PCDHGA8: variants seen among roughly 807,000 people sequenced by gnomAD.
PCDHGA8 encodes protocadherin gamma-A8.
In PCDHGA8, 45 loss-of-function variants were observed where a neutral mutation model predicts 59.2. The ratio of observed to expected loss-of-function variants is 0.76; its 90% CI spans 0.60 to 0.98. The LOEUF is 0.98. Ranked by LOEUF, PCDHGA8 falls within the 50% of genes least tolerant of loss-of-function variation. PCDHGA8 has a pLI of 0.00. For synonymous variants in PCDHGA8, 531 were observed against 519.0 expected (o/e 1.02, Z -0.32); for missense variants, 1,257 against 1,196.2 (o/e 1.05, Z -0.75).
intron 1 of PCDHGA8, among the ~76,000 whole-genome samples, chr5:141,435,619 T>A (rs2097772280): frequency 6.6e-6 from 1 of 152,190 alleles, no homozygotes; most frequent in Non-Finnish European, 1.5e-5. Context: ...AAATTCCCCA[T>A]AACTTTTACA....
At chr5:141,458,496 A>G (rs905073741) in intron 1 of PCDHGA8, among the ~76,000 whole-genome samples, 1 of 151,694 alleles carries the variant, frequency 6.6e-6, no homozygotes, top group Non-Finnish European at 1.5e-5. Flanking sequence ...CTGCCTGTAC[A>G]TACTGTTTGA....
At chr5:141,403,525 C>T (rs1427557410) in intron 1 of PCDHGA8, 1 of 1,614,002 alleles carries the variant, frequency 6.2e-7, no homozygotes, top group South Asian at 1.1e-5. Flanking sequence ...GAGCCATAAA[C>T]CCAGAGCTGG....
intron 2 of PCDHGA8, among the ~76,000 whole-genome samples, chr5:141,503,166 A>T (rs1246987375): frequency 1.3e-5 from 2 of 151,884 alleles, no homozygotes; most frequent in Admixed American, 1.3e-4. Context: ...CACAATTGCA[A>T]TTACTCTATT....
At chr5:141,402,491 A>T (rs1186098298) in intron 1 of PCDHGA8, among the ~76,000 whole-genome samples, 1 of 152,242 alleles carries the variant, frequency 6.6e-6, no homozygotes, top group Non-Finnish European at 1.5e-5. Flanking sequence ...TCTACCAAGA[A>T]TAAGAATAAA....
In PCDHGA8 at chr5:141,489,523, C is replaced by CT. The variant is rs1379784656; in HGVS notation, c.2425-5283dup. On this transcript the variant is annotated intron_variant, in intron 1 of 3. Coordinates refer to ENST00000398604, the MANE Select transcript of PCDHGA8 (RefSeq NM_032088.2). The surrounding 1 kb of genome is among the most constrained non-coding windows in gnomAD (Gnocchi z 4.5). ...GAATCAAAAGATTGACCGAGAAAGC[C>CT]TATGTGGAGCCAGCACCAGCTGCCT... 1 of 1,614,006 alleles carries CT rather than the reference C, an allele frequency of 6.2e-7. No homozygotes were observed. Among genetic ancestry groups the CT allele is most frequent in the Non-Finnish European group, 8.5e-7 (1 of 1,180,044 alleles).
intron 1 of PCDHGA8, chr5:141,399,787 A>C (rs111395890): frequency 0.048 from 76,979 of 1,613,184 alleles, 1,998 homozygotes; most frequent in South Asian, 0.077. Flanking sequence ...CCGAAACGAC[A>C]ACGCACCGCG....
At chr5:141,407,453 C>T (rs914537742) in intron 1 of PCDHGA8, among the ~76,000 whole-genome samples, 4 of 148,722 alleles carry the variant, frequency 2.7e-5, no homozygotes, top group Non-Finnish European at 6.0e-5. Flanking sequence ...ACACGAGGCT[C>T]ACCAGACAGA....
At chr5:141,415,695 T>C (rs1284418994) in intron 1 of PCDHGA8, 1 of 1,537,350 alleles carries the variant, frequency 6.5e-7, no homozygotes, top group South Asian at 1.2e-5. Context: ...TGGTGGAAAG[T>C]GTAAATGCTA....
In PCDHGA8 at chr5:141,395,150, C is replaced by G; in HGVS notation, c.2337C>G (p.Leu779=). 1 of 1,614,162 alleles carries G rather than the reference C, an allele frequency of 6.2e-7. No homozygotes were observed. Among genetic ancestry groups the G allele is most frequent in the Non-Finnish European group, 8.5e-7 (1 of 1,180,018 alleles). ...IFPQPNYADM[L]ISQEGCEKND... is the part of the protein sequence containing the mutation. ...CCCAGCCCAACTACGCAGACATGCT[C>G]ATCAGTCAGGAGGGCTGTGAGAAAA... Residue 779 remains leucine, a synonymous_variant, in exon 1 of 4, where the codon CTC becomes CTG. Coordinates refer to ENST00000398604, the MANE Select transcript of PCDHGA8 (RefSeq NM_032088.2).
At chr5:141,417,892 C>T (rs550343206) in intron 1 of PCDHGA8, 13 of 1,570,660 alleles carry the variant, frequency 8.3e-6, no homozygotes, top group African/African-American at 5.4e-5. Flanking sequence ...GGCGCCGGGC[C>T]GGCCCGCGGC....
chr5:141,402,281 C>A (rs1589453227), intron 1 of PCDHGA8, among the ~76,000 whole-genome samples: 1 of 151,846 alleles, frequency 6.6e-6, no homozygotes, highest in African/African-American at 2.4e-5. Flanking sequence ...AGTGGATAAT[C>A]TATCCTTATA....
chr5:141,415,305 C>G (rs200439097), intron 1 of PCDHGA8: 1 of 1,614,234 alleles, frequency 6.2e-7, no homozygotes, highest in African/African-American at 1.3e-5. Context: ...TCTTCCTGGC[C>G]TTCGTCATCG....
chr5:141,399,797 G>A (rs760211919), intron 1 of PCDHGA8: 1 of 1,613,192 alleles, frequency 6.2e-7, no homozygotes, highest in Non-Finnish European at 8.5e-7. Context: ...AACGCACCGC[G>A]GGTGCTGTAC....
chr5:141,413,756 A>G, intron 1 of PCDHGA8: 1 of 1,613,042 alleles, frequency 6.2e-7, no homozygotes, highest in South Asian at 1.1e-5. Context: ...AATGGCGTCA[A>G]GTACCCGGAG....
At chr5:141,405,029 C>T in intron 1 of PCDHGA8, 1 of 1,613,976 alleles carries the variant, frequency 6.2e-7, no homozygotes, top group Non-Finnish European at 8.5e-7. Flanking sequence ...TACCCTCTAC[C>T]TCGTTGTGGC....
rs551220443 is a variant in PCDHGA8, at chr5:141,432,206, G to A, written c.2424+36969G>A. On this transcript the variant is annotated intron_variant, in intron 1 of 3. Transcript: ENST00000398604. The surrounding 1 kb of genome is among the most constrained non-coding windows in gnomAD (Gnocchi z 6.0). ...GACCGCCCACGACCCCGACTGTGAA[G>A]AGAACGCCCAGATCACTTATTCCCT... The A allele has an allele frequency of 6.2e-7, 1 of 1,614,096 alleles. No individual in the cohort carries two copies. Among genetic ancestry groups the A allele is most frequent in the Non-Finnish European group, 8.5e-7 (1 of 1,180,042 alleles).
In PCDHGA8 at chr5:141,511,161, G is replaced by A; in HGVS notation, c.2787G>A (p.Lys929=). 1 of 1,614,176 alleles carries A rather than the reference G, an allele frequency of 6.2e-7. No individual in the cohort carries two copies. The highest frequency in any genetic ancestry group is 8.5e-7 in the Non-Finnish European group (1 of 1,180,010). ...GNGNKKKSGK[K]EKK ...GCAACAAGAAGAAGTCGGGCAAGAA[G>A]GAGAAGAAGTAACATGGAGGCCAGG... Residue 929 remains lysine, a synonymous_variant, in exon 4 of 4, where the codon AAG becomes AAA. Transcript: ENST00000398604.
intron 1 of PCDHGA8, among the ~76,000 whole-genome samples, chr5:141,456,854 T>C (rs924765803): frequency 7.2e-5 from 11 of 151,950 alleles, no homozygotes; most frequent in Non-Finnish European, 1.3e-4. Context: ...TCCCAGCTAA[T>C]TGGGAGGCTG....
At position 141,393,619 on chromosome 5, in the gene PCDHGA8, C is replaced by G. The variant is rs768350628; in HGVS notation, c.806C>G (p.Pro269Arg). The change falls in exon 1 of 4, where the codon CCG (proline) becomes CGG (arginine). Residue 269 changes from proline (P) to arginine (R), a missense_variant. Physicochemically the swap from Pro to Arg is moderately radical, Grantham distance 103 (BLOSUM62 -2). Coordinates refer to ENST00000398604, the MANE Select transcript of PCDHGA8 (RefSeq NM_032088.2). ...CTGCTTACTGTAACAGCCAGCGACC[C>G]GGATGAGGGAATCAACGGAAAAGTG... The part of the protein sequence containing the change: ...TRLLTVTASD[P>R]DEGINGKVAY... 1.2e-6 allele frequency: 2 copies of G among 1,613,826 alleles called. No individual in the cohort carries two copies. The highest frequency in any genetic ancestry group is 1.7e-6 in the Non-Finnish European group (2 of 1,179,896).
Sources: allele counts gnomAD v4.1 joint callset (sites outside exome capture counted in the v4.1 genomes callset), GRCh38; gene constraint gnomAD v4.1.1; non-coding constraint Gnocchi (gnomAD v3.1); transcripts MANE v1.5; gene names NCBI Gene and HGNC (gene_info 2026-07-23, HGNC 2026-07-21).